KCNH7: variants seen among roughly 807,000 people sequenced by gnomAD.
KCNH7 encodes the protein voltage-gated inwardly rectifying potassium channel KCNH7.
Under a neutral mutation model 120.8 loss-of-function variants are expected in KCNH7, and 49 were observed. The observed-to-expected ratio is 0.41, with a 90% CI of 0.32 to 0.51. The LOEUF is 0.51. Ranked by LOEUF, KCNH7 falls within the 20% of genes least tolerant of loss-of-function variation. The pLI, the probability that KCNH7 is intolerant of heterozygous loss-of-function variation, is 0.38. For synonymous variants in KCNH7, 547 were observed against 516.1 expected, an observed-to-expected ratio of 1.06 and a Z score of -0.81; for missense variants, 1,097 against 1,446.6, an observed-to-expected ratio of 0.76 and a Z score of 3.92.
At chr2:162,786,751 A>C (rs1683721882) in intron 2 of KCNH7, among the ~76,000 whole-genome samples, 1 of 152,340 alleles carries the variant, frequency 6.6e-6, no homozygotes, top group African/African-American at 2.4e-5. Flanking sequence ...TTTAAGCTGC[A>C]TGATTTAAAA....
At chr2:162,551,496 G>T (rs1692666366) in intron 2 of KCNH7, among the ~76,000 whole-genome samples, 1 of 151,772 alleles carries the variant, frequency 6.6e-6, no homozygotes, top group South Asian at 2.1e-4. Context: ...AGGGGCACTT[G>T]AATTTCTAAG....
Position 162,683,883 on chromosome 2 carries a change from G to C in KCNH7, c.308-146803C>G, listed in dbSNP as rs186768841. On this transcript the variant is annotated intron_variant, in intron 2 of 15. Transcript: ENST00000332142. ...ATGGAACCAAAAAAGAGCCTGTATAGCCAAGACAATCCTAAGCAAAAAGAA... is the reference window on the plus strand; with the variant it reads ...ATGGAACCAAAAAAGAGCCTGTATACCCAAGACAATCCTAAGCAAAAAGAA... Among the ~76,000 whole-genome samples, 809 of 152,014 alleles carry C rather than the reference G, an allele frequency of 5.3e-3. 6 individuals carry two copies. The highest frequency in any genetic ancestry group is 0.019 in the African/African-American group (779 of 41,494).
intron 2 of KCNH7, among the ~76,000 whole-genome samples, chr2:162,746,308 T>C (rs1025953470): frequency 5.9e-5 from 9 of 152,104 alleles, no homozygotes; most frequent in Admixed American, 4.6e-4. Flanking sequence ...TAGTAATTTG[T>C]CATTATAGCC....
At chr2:162,459,661 G>A (rs1204940004) in intron 6 of KCNH7, among the ~76,000 whole-genome samples, 1 of 152,104 alleles carries the variant, frequency 6.6e-6, no homozygotes, top group African/African-American at 2.4e-5. Context: ...ACCAAATTGA[G>A]AACTGATGTT....
chr2:162,431,291 G>A (rs1688057740), intron 8 of KCNH7, among the ~76,000 whole-genome samples: 1 of 151,912 alleles, frequency 6.6e-6, no homozygotes, highest in Admixed American at 6.6e-5. Context: ...CACAATAGTT[G>A]TAATTAGCAC....
intron 2 of KCNH7, among the ~76,000 whole-genome samples, chr2:162,756,040 C>T (rs1688777047): frequency 6.6e-6 from 1 of 152,218 alleles, no homozygotes; most frequent in African/African-American, 2.4e-5. Context: ...AAGGGTTCTA[C>T]TCTAATTATG....
At chr2:162,409,996 C>G (rs1038743083) in intron 9 of KCNH7, among the ~76,000 whole-genome samples, 9 of 152,074 alleles carry the variant, frequency 5.9e-5, no homozygotes, top group Non-Finnish European at 1.3e-4. Context: ...GTTAAAATGA[C>G]CACACGGCCC....
chr2:162,568,811 G>T (rs1693354530), intron 2 of KCNH7, among the ~76,000 whole-genome samples: 2 of 152,090 alleles, frequency 1.3e-5, no homozygotes, highest in East Asian at 1.9e-4. Context: ...GATATTGCAT[G>T]TATAACATAA....
intron 2 of KCNH7, among the ~76,000 whole-genome samples, chr2:162,781,087 T>C (rs1421394890): frequency 1.3e-5 from 2 of 152,050 alleles, no homozygotes; most frequent in Non-Finnish European, 2.9e-5. Flanking sequence ...TAATTTTTAA[T>C]TATATTTCTG....
At chr2:162,833,839 T>C (rs1450887121) in intron 2 of KCNH7, among the ~76,000 whole-genome samples, 1 of 152,136 alleles carries the variant, frequency 6.6e-6, no homozygotes, top group Admixed American at 6.5e-5. Context: ...GTCGTATTTT[T>C]ACTCCTCCAG....
chr2:162,387,878 T>C (rs1686621927), intron 12 of KCNH7, among the ~76,000 whole-genome samples: 1 of 151,804 alleles, frequency 6.6e-6, no homozygotes, highest in African/African-American at 2.4e-5. Context: ...GCTCACTCCA[T>C]CTTTTATGGA....
chr2:162,448,821 TC>T (rs1394250723), intron 6 of KCNH7, among the ~76,000 whole-genome samples: 1 of 151,980 alleles, frequency 6.6e-6, no homozygotes, highest in East Asian at 1.9e-4. Context: ...GTCCCTGAGA[TC>T]TTGGAGTTTG....
chr2:162,575,773 T>C lies in KCNH7; in HGVS notation c.308-38693A>G, dbSNP rs138768506. 4.7e-4 allele frequency among the ~76,000 whole-genome samples: 72 copies of C among 152,240 alleles called. 1 individual carries two copies. Among genetic ancestry groups the C allele is most frequent in the African/African-American group, 1.7e-3 (69 of 41,570 alleles). ...CTATTTGTGAATTAACCAGAAAAACTATAATTGCCTTGGAACTAAGGGGAT... is the reference window on the plus strand; with the variant it reads ...CTATTTGTGAATTAACCAGAAAAACCATAATTGCCTTGGAACTAAGGGGAT... On this transcript the variant is annotated intron_variant, in intron 2 of 15. Transcript: ENST00000332142.
At chr2:162,401,791 T>C (rs1459826545) in intron 9 of KCNH7, among the ~76,000 whole-genome samples, 1 of 151,812 alleles carries the variant, frequency 6.6e-6, no homozygotes, top group Non-Finnish European at 1.5e-5. Context: ...AGATAAAAAT[T>C]GATAGAACTG....
chr2:162,602,834 T>A (rs969318095), intron 2 of KCNH7, among the ~76,000 whole-genome samples: 1 of 151,758 alleles, frequency 6.6e-6, no homozygotes, highest in African/African-American at 2.4e-5. Context: ...TTCTAGATAT[T>A]ACAAAATGTC....
At chr2:162,658,299 C>T (rs1344895471) in intron 2 of KCNH7, among the ~76,000 whole-genome samples, 1 of 151,894 alleles carries the variant, frequency 6.6e-6, no homozygotes, top group Non-Finnish European at 1.5e-5. Flanking sequence ...GGATAGGTGA[C>T]TATATTTGCA....
intron 2 of KCNH7, among the ~76,000 whole-genome samples, chr2:162,570,378 G>A (rs549078324): frequency 6.6e-6 from 1 of 151,546 alleles, no homozygotes. Context: ...TTTTCCATTT[G>A]CTTGGTAGAT....
intron 7 of KCNH7, 57 bp from the exon 8 acceptor site, chr2:162,435,654 C>T: frequency 1.3e-6 from 2 of 1,501,296 alleles, no homozygotes; most frequent in Non-Finnish European, 1.8e-6. Context: ...AAAGTACATT[C>T]ATATGAAGCA....
chr2:162,786,532 T>A (rs1683712645), intron 2 of KCNH7, among the ~76,000 whole-genome samples: 1 of 152,220 alleles, frequency 6.6e-6, no homozygotes, highest in South Asian at 2.1e-4. Context: ...AAAATGCATA[T>A]GATTTTTATA....
Sources: allele counts gnomAD v4.1 joint callset (sites outside exome capture counted in the v4.1 genomes callset), GRCh38; gene constraint gnomAD v4.1.1; transcripts MANE v1.5; gene names NCBI Gene and HGNC (gene_info 2026-07-23, HGNC 2026-07-21).